FAM171A1: variants seen among roughly 807,000 people sequenced by gnomAD.
FAM171A1 encodes the protein protein FAM171A1.
Under a neutral mutation model 74.9 loss-of-function variants are expected in FAM171A1, and 23 were observed. The observed-to-expected ratio is 0.31, with a 90% CI of 0.22 to 0.44. The LOEUF is 0.44. Ranked by LOEUF, FAM171A1 falls within the 20% of genes least tolerant of loss-of-function variation. The pLI is 1.00. For synonymous variants in FAM171A1, 527 were observed against 505.7 expected (o/e 1.04, Z -0.57); for missense variants, 1,162 against 1,159.2 (o/e 1.00, Z -0.03).
chr10:15,258,758 G>A (rs1834618874), intron 3 of FAM171A1, among the ~76,000 whole-genome samples: 1 of 152,122 alleles, frequency 6.6e-6, no homozygotes, highest in Non-Finnish European at 1.5e-5. Flanking sequence ...TTCCTCCTTG[G>A]GATTCATGGT....
At chr10:15,328,068 T>C (rs1471299817) in intron 1 of FAM171A1, among the ~76,000 whole-genome samples, 1 of 145,690 alleles carries the variant, frequency 6.9e-6, no homozygotes, top group Non-Finnish European at 1.5e-5. Context: ...CCAGGTACTT[T>C]TGCAGCCTTC....
chr10:15,294,783 TAA>T (rs1453516452), intron 1 of FAM171A1, among the ~76,000 whole-genome samples: 1 of 152,152 alleles, frequency 6.6e-6, no homozygotes, highest in East Asian at 1.9e-4. Context: ...AGTAGCGAGT[TAA>T]GAGTGAACAA....
At chr10:15,313,085 C>T (rs188819398) in intron 1 of FAM171A1, among the ~76,000 whole-genome samples, 6 of 152,300 alleles carry the variant, frequency 3.9e-5, no homozygotes. Flanking sequence ...CTCTGCATCT[C>T]CCTGTGTGCC....
intron 1 of FAM171A1, among the ~76,000 whole-genome samples, chr10:15,328,152 A>C (rs1470583420): frequency 6.6e-6 from 1 of 151,978 alleles, no homozygotes; most frequent in Non-Finnish European, 1.5e-5. Context: ...TGTTTTTTAA[A>C]ATTTTTTCCG....
intron 5 of FAM171A1, among the ~76,000 whole-genome samples, chr10:15,229,603 T>C (rs1413270787): frequency 8.4e-6 from 1 of 119,468 alleles, no homozygotes; most frequent in African/African-American, 3.1e-5. Flanking sequence ...ATCATCACCA[T>C]CACCATCATC....
chr10:15,336,706 T>G (rs1261180175), intron 1 of FAM171A1, among the ~76,000 whole-genome samples: 1 of 152,200 alleles, frequency 6.6e-6, no homozygotes, highest in Non-Finnish European at 1.5e-5. Context: ...GTTAATAAAA[T>G]GTCAATTAAG....
chr10:15,358,901 G>A (rs541916576), intron 1 of FAM171A1, among the ~76,000 whole-genome samples: 10 of 152,314 alleles, frequency 6.6e-5, no homozygotes, highest in African/African-American at 2.4e-4. Flanking sequence ...AGCACAGTTG[G>A]GGGGTGAAGT....
intron 5 of FAM171A1, 147 bp from the exon 6 acceptor site, chr10:15,221,207 AC>A: frequency 3.6e-6 from 2 of 562,246 alleles, no homozygotes; most frequent in South Asian, 3.6e-5. Flanking sequence ...TCATCTAGGG[AC>A]CCCAGGCAGC....
At chr10:15,357,023 A>T (rs1014671218) in intron 1 of FAM171A1, among the ~76,000 whole-genome samples, 2 of 152,110 alleles carry the variant, frequency 1.3e-5, no homozygotes, top group Non-Finnish European at 2.9e-5. Context: ...TCATGCCTGT[A>T]ATCCCAGCAC....
intron 5 of FAM171A1, among the ~76,000 whole-genome samples, chr10:15,237,126 C>G (rs987952333): frequency 3.3e-5 from 5 of 152,148 alleles, no homozygotes; most frequent in Non-Finnish European, 7.4e-5. Flanking sequence ...CAGGAAGACA[C>G]AAATTTGCCA....
At chr10:15,324,437 T>G (rs892951358) in intron 1 of FAM171A1, among the ~76,000 whole-genome samples, 2 of 152,228 alleles carry the variant, frequency 1.3e-5, no homozygotes, top group Admixed American at 1.3e-4. Context: ...CCAAATATAT[T>G]CTATCCCCAT....
At chr10:15,214,726 G>T (rs1409518266) in intron 7 of FAM171A1, 125 bp from the exon 8 acceptor site, 1 of 1,287,204 alleles carries the variant, frequency 7.8e-7, no homozygotes, top group Non-Finnish European at 1.0e-6. Context: ...CAAGTCAGGA[G>T]CAGCCAAAAG....
chr10:15,361,629 G>A (rs907869541), intron 1 of FAM171A1, among the ~76,000 whole-genome samples: 2 of 152,132 alleles, frequency 1.3e-5, no homozygotes, highest in African/African-American at 2.4e-5. Flanking sequence ...GCTGCAGTGA[G>A]CCGAGATTAT....
At chr10:15,341,133 T>G (rs1054159556) in intron 1 of FAM171A1, among the ~76,000 whole-genome samples, 3 of 152,234 alleles carry the variant, frequency 2.0e-5, no homozygotes, top group Non-Finnish European at 2.9e-5. Flanking sequence ...AGAATTTATT[T>G]GGACGGTCTA....
intron 1 of FAM171A1, among the ~76,000 whole-genome samples, chr10:15,299,759 A>T (rs1423093324): frequency 1.3e-5 from 2 of 151,978 alleles, no homozygotes; most frequent in Non-Finnish European, 2.9e-5. Context: ...TGGGCGGATC[A>T]TGAGGTCAGG....
chr10:15,312,406 C>T (rs1176348988), intron 1 of FAM171A1, among the ~76,000 whole-genome samples: 1 of 151,886 alleles, frequency 6.6e-6, no homozygotes, highest in East Asian at 1.9e-4. Context: ...CCTCTGAACC[C>T]TTTAAAGATA....
chr10:15,222,854 G>A (rs922248272), intron 5 of FAM171A1, among the ~76,000 whole-genome samples: 5 of 152,210 alleles, frequency 3.3e-5, no homozygotes, highest in African/African-American at 1.2e-4. Flanking sequence ...CCCTTCCCAC[G>A]CCACAGGCTG....
chr10:15,309,865 T>C (rs1263676169), intron 1 of FAM171A1, among the ~76,000 whole-genome samples: 1 of 152,238 alleles, frequency 6.6e-6, no homozygotes, highest in African/African-American at 2.4e-5. Flanking sequence ...AAACTTTCAG[T>C]GATCATTAAA....
chr10:15,304,565 C>T (rs4748157), intron 1 of FAM171A1, among the ~76,000 whole-genome samples: 48,437 of 151,902 alleles, frequency 0.32, 9,261 homozygotes, highest in East Asian at 0.78. Context: ...CTTGTCCATT[C>T]CTTCCTGAAA....
Sources: allele counts gnomAD v4.1 joint callset (sites outside exome capture counted in the v4.1 genomes callset), GRCh38; gene constraint gnomAD v4.1.1; transcripts MANE v1.5; gene names NCBI Gene and HGNC (gene_info 2026-07-23, HGNC 2026-07-21).